THSD7B: variants seen among roughly 807,000 people sequenced by gnomAD.
THSD7B encodes thrombospondin type 1 domain containing 7B, also known as thrombospondin type-1 domain-containing protein 7B.
THSD7B carries 138 observed loss-of-function variants against 213.6 expected under a neutral mutation model. The ratio of observed to expected loss-of-function variants is 0.65; its 90% CI spans 0.56 to 0.74. The LOEUF (loss-of-function observed/expected upper bound fraction) is 0.74, where lower values mean the gene tolerates loss of function less well. Among genes scored for constraint, THSD7B ranks in the 30% least tolerant of loss-of-function variants. THSD7B has a pLI of 0.00. For missense variants in THSD7B, 1,931 were observed against 1,991.5 expected, an observed-to-expected ratio of 0.97 and a Z score of 0.58; for synonymous variants, 742 against 687.0, an observed-to-expected ratio of 1.08 and a Z score of -1.25.
intron 2 of THSD7B, among the ~76,000 whole-genome samples, chr2:136,989,922 T>C (rs1685738030): frequency 2.0e-5 from 3 of 152,262 alleles, no homozygotes; most frequent in African/African-American, 7.2e-5. Context: ...TACAGCATTC[T>C]AATGGTTTCA....
At chr2:137,174,167 GC>G (rs1451090484) in intron 7 of THSD7B, among the ~76,000 whole-genome samples, 3 of 152,048 alleles carry the variant, frequency 2.0e-5, no homozygotes, top group Non-Finnish European at 2.9e-5. Flanking sequence ...CCATTTTTAG[GC>G]TTTTACATAT....
At chr2:137,002,583 C>CTTTGCT (rs1478557640) in intron 2 of THSD7B, among the ~76,000 whole-genome samples, 3 of 152,118 alleles carry the variant, frequency 2.0e-5, no homozygotes, top group Non-Finnish European at 2.9e-5. Context: ...GGTCGCACCC[C>CTTTGCT]TTTGCTTTTA....
intron 12 of THSD7B, among the ~76,000 whole-genome samples, chr2:137,344,193 C>T (rs935563106): frequency 4.6e-5 from 7 of 151,560 alleles, no homozygotes; most frequent in African/African-American, 1.2e-4. Context: ...ATCCCGAAGC[C>T]ACTCCCCCAT....
intron 2 of THSD7B, among the ~76,000 whole-genome samples, chr2:136,903,167 TA>T (rs200984656): frequency 0.013 from 1,713 of 133,862 alleles, 23 homozygotes; most frequent in African/African-American, 0.033. Flanking sequence ...GTGTTTTTTT[TA>T]AAAAAAATAT....
At chr2:136,956,590 A>G in intron 2 of THSD7B, among the ~76,000 whole-genome samples, 1 of 144,342 alleles carries the variant, frequency 6.9e-6, no homozygotes, top group Non-Finnish European at 1.5e-5. Context: ...TGACAAAGTG[A>G]GACCCTGTCT....
chr2:137,231,599 A>C (rs1319741018), intron 8 of THSD7B, among the ~76,000 whole-genome samples: 1 of 152,196 alleles, frequency 6.6e-6, no homozygotes, highest in Non-Finnish European at 1.5e-5. Flanking sequence ...ATGTTTAGTA[A>C]AAAGAGCTTC....
intron 2 of THSD7B, among the ~76,000 whole-genome samples, chr2:136,940,700 C>CGT (rs1033069592): frequency 2.7e-4 from 36 of 134,720 alleles, no homozygotes; most frequent in Middle Eastern, 3.7e-3. Context: ...CTGAGACATA[C>CGT]GTGTGTGTGT....
At chr2:136,928,471 C>T (rs926130715) in intron 2 of THSD7B, among the ~76,000 whole-genome samples, 1 of 152,146 alleles carries the variant, frequency 6.6e-6, no homozygotes, top group Admixed American at 6.5e-5. Context: ...CTGTGTTTGA[C>T]ATTATTGTAA....
intron 17 of THSD7B, among the ~76,000 whole-genome samples, chr2:137,583,499 T>G (rs1438036899): frequency 4.6e-5 from 7 of 152,232 alleles, no homozygotes; most frequent in Non-Finnish European, 8.8e-5. Context: ...TAAATCCATC[T>G]TGAATTAATT....
intron 2 of THSD7B, among the ~76,000 whole-genome samples, chr2:136,889,734 T>C (rs1683781633): frequency 6.6e-6 from 1 of 152,220 alleles, no homozygotes; most frequent in African/African-American, 2.4e-5. Context: ...CCAAGTGCTC[T>C]ATTATATTTT....
At chr2:136,968,614 T>C (rs957561025) in intron 2 of THSD7B, among the ~76,000 whole-genome samples, 1 of 152,184 alleles carries the variant, frequency 6.6e-6, no homozygotes, top group African/African-American at 2.4e-5. Context: ...TTAATTTTAA[T>C]GTAGAGATGC....
Position 136,928,444 on chromosome 2 carries a change from G to A in THSD7B, c.139+46127G>A, listed in dbSNP as rs568608246. On this transcript the variant is annotated intron_variant, in intron 2 of 27. Coordinates refer to ENST00000409968, the MANE Select transcript of THSD7B (RefSeq NM_001316349.2). ...AGCATTTGTATAGCGTTTGTTTTTA[G>A]CCTAACCCACTGCATCCTGTGTTTG... Among the ~76,000 whole-genome samples, 15 of 152,204 alleles carry A rather than the reference G, an allele frequency of 9.9e-5. No individual in the cohort carries two copies. In the South Asian group the frequency reaches 3.1e-3, roughly 32 times the overall value.
chr2:137,310,877 T>C (rs368305418), intron 12 of THSD7B, among the ~76,000 whole-genome samples: 2 of 152,276 alleles, frequency 1.3e-5, no homozygotes, highest in Admixed American at 1.3e-4. Flanking sequence ...TCTGTTTTGG[T>C]ACCAGTACCA....
intron 20 of THSD7B, among the ~76,000 whole-genome samples, chr2:137,625,287 G>A (rs1318840927): frequency 1.5e-5 from 2 of 130,426 alleles, no homozygotes; most frequent in African/African-American, 5.7e-5. Flanking sequence ...AAAACACTTG[G>A]ACACAGGGTG....
intron 17 of THSD7B, among the ~76,000 whole-genome samples, chr2:137,586,120 G>A (rs1378739141): frequency 1.3e-5 from 2 of 151,964 alleles, no homozygotes; most frequent in Non-Finnish European, 2.9e-5. Flanking sequence ...GATCTTTGTT[G>A]GTTTAAAGTC....
At chr2:137,127,711 G>A (rs1573839761) in intron 5 of THSD7B, among the ~76,000 whole-genome samples, 1 of 152,170 alleles carries the variant, frequency 6.6e-6, no homozygotes, top group East Asian at 1.9e-4. Flanking sequence ...GAGGTCAAGA[G>A]TTCAAGACTA....
chr2:137,255,104 T>A (rs1682275680), intron 10 of THSD7B, among the ~76,000 whole-genome samples: 1 of 152,208 alleles, frequency 6.6e-6, no homozygotes, highest in South Asian at 2.1e-4. Flanking sequence ...AGGTCATACA[T>A]GGTCTTGAAC....
At chr2:136,773,016 G>A (rs1332055881) in intron 1 of THSD7B, among the ~76,000 whole-genome samples, 1 of 152,110 alleles carries the variant, frequency 6.6e-6, no homozygotes, top group African/African-American at 2.4e-5. Flanking sequence ...AAAAGTCAAA[G>A]TTGTAAAGAG....
chr2:137,584,435 CA>C (rs977807076), intron 17 of THSD7B, among the ~76,000 whole-genome samples: 38 of 152,240 alleles, frequency 2.5e-4, no homozygotes, highest in African/African-American at 8.2e-4. Context: ...GGAATGCTTC[CA>C]AGTTTTGCCC....
Sources: allele counts gnomAD v4.1 joint callset (sites outside exome capture counted in the v4.1 genomes callset), GRCh38; gene constraint gnomAD v4.1.1; transcripts MANE v1.5; gene names NCBI Gene and HGNC (gene_info 2026-07-23, HGNC 2026-07-21).